SS18L2: variants seen among roughly 807,000 people sequenced by gnomAD.
SS18L2 encodes SS18 like 2.
Under a neutral mutation model 10.3 loss-of-function variants are expected in SS18L2, and 8 were observed. That is an observed-to-expected ratio of 0.78 (90% CI 0.46 to 1.41). The LOEUF (loss-of-function observed/expected upper bound fraction) is 1.41. Among genes scored for constraint, SS18L2 ranks in the 40% most tolerant of loss-of-function variants. The pLI, the probability that SS18L2 is intolerant of heterozygous loss-of-function variation, is 0.00. For missense variants in SS18L2, 100 were observed against 96.2 expected (o/e 1.04, Z -0.17); for synonymous variants, 41 against 34.6 (o/e 1.19, Z -0.65).
rs989942510 is a variant in SS18L2, at chr3:42,595,646, T to G, written c.*1137T>G. 6.6e-6 allele frequency among the ~76,000 whole-genome samples: 1 copy of G among 152,248 alleles called. No individual in the cohort carries two copies. The highest frequency in any genetic ancestry group is 2.4e-5 in the African/African-American group (1 of 41,464). ...CTTTCTGACTTTATTAGCTGTATTC[T>G]ATAAAAAACTTTCACTCTTGGAGAT... On this transcript the variant is annotated 3_prime_UTR_variant, in exon 3 of 3. Coordinates refer to ENST00000011691, the MANE Select transcript of SS18L2 (RefSeq NM_001370300.1).
upstream of SS18L2, among the ~76,000 whole-genome samples, chr3:42,589,349 T>A (rs1296745159): frequency 6.6e-6 from 1 of 152,138 alleles, no homozygotes; most frequent in East Asian, 1.9e-4. Context: ...GAAAGCCCAG[T>A]AAAGCAGATG....
upstream of SS18L2, among the ~76,000 whole-genome samples, chr3:42,587,165 C>T (rs1022200101): frequency 1.1e-4 from 16 of 152,170 alleles, no homozygotes; most frequent in African/African-American, 2.9e-4. Context: ...TAACTTTCAC[C>T]ATGTTACAGC....
chr3:42,592,061 CAA>C (rs1704870799), intron 2 of SS18L2, among the ~76,000 whole-genome samples: 1 of 152,098 alleles, frequency 6.6e-6, no homozygotes, highest in Non-Finnish European at 1.5e-5. Flanking sequence ...CAAAGACAAA[CAA>C]AGGATTTACA....
At chr3:42,587,038 C>A (rs1467362021), upstream of SS18L2, among the ~76,000 whole-genome samples, 1 of 152,202 alleles carries the variant, frequency 6.6e-6, no homozygotes, top group African/African-American at 2.4e-5. Flanking sequence ...GCCAAATCTA[C>A]TTCTAATGTC....
upstream of SS18L2, among the ~76,000 whole-genome samples, chr3:42,586,778 T>G (rs9884030): frequency 6.3e-3 from 957 of 152,308 alleles, 8 homozygotes; most frequent in African/African-American, 0.022. Flanking sequence ...CTCAAAGCTG[T>G]ATCTCCAACC....
upstream of SS18L2, among the ~76,000 whole-genome samples, chr3:42,587,769 T>C (rs1458158989): frequency 1.3e-5 from 2 of 149,090 alleles, no homozygotes; most frequent in African/African-American, 5.0e-5. Context: ...TATATAAACC[T>C]CACTCAAAAC....
At chr3:42,586,819 T>C, upstream of SS18L2, among the ~76,000 whole-genome samples, 1 of 152,294 alleles carries the variant, frequency 6.6e-6, no homozygotes, top group East Asian at 1.9e-4. Flanking sequence ...CAGCCCCAAA[T>C]AGCCACAAGC....
At chr3:42,584,387 TG>T (rs1244919560) in intron 1 of SS18L2, among the ~76,000 whole-genome samples, 1 of 152,140 alleles carries the variant, frequency 6.6e-6, no homozygotes, top group Non-Finnish European at 1.5e-5. Flanking sequence ...CCCAAGTAGC[TG>T]GGATTACAAG....
Position 42,590,919 on chromosome 3 carries a change from G to C in SS18L2, c.22G>C (p.Asp8His). The stretch of plus-strand genomic sequence containing the variant: ...CGGGATGTCGGTGGCCTTCGTACCG[G>C]ACTGGCTGAGGGGCAAGGCGGAAGT... MSVAFVPDWLRGKAEVNQ... is the reference protein window; with the variant it reads MSVAFVPHWLRGKAEVNQ... The change falls in exon 1 of 3, where the codon GAC becomes CAC. Residue 8 changes from aspartate to histidine, a missense_variant. Transcript: ENST00000011691. The C allele has an allele frequency of 6.2e-7, 1 of 1,609,574 alleles. No homozygotes were observed. Among genetic ancestry groups the C allele is most frequent in the Non-Finnish European group, 8.5e-7 (1 of 1,177,778 alleles).
Position 42,590,860 on chromosome 3 carries a change from G to C in SS18L2, c.-38G>C. 2 of 1,610,818 alleles carry C rather than the reference G, an allele frequency of 1.2e-6. No homozygotes were observed. Among genetic ancestry groups the C allele is most frequent in the Non-Finnish European group, 1.7e-6 (2 of 1,177,008 alleles). ...GCGTAGGCCCCACCTATCGTGGGTC[G>C]AGTTGCTTGGCGGTCGTGGTTCCGG... On this transcript the variant is annotated 5_prime_UTR_variant, in exon 1 of 3. Transcript: ENST00000011691.
In SS18L2 at chr3:42,595,454, T is replaced by G. The variant is rs568843738; in HGVS notation, c.*945T>G. The stretch of plus-strand genomic sequence containing the variant: ...TCATGCAGACTCATGTTCTAATATT[T>G]TTAGCAGGAATATATTAGAAGGTGA... On this transcript the variant is annotated 3_prime_UTR_variant, in exon 3 of 3. Transcript: ENST00000011691. 3.0e-4 allele frequency among the ~76,000 whole-genome samples: 46 copies of G among 152,340 alleles called. No homozygotes were observed. Among genetic ancestry groups the G allele is most frequent in the Middle Eastern group, 6.8e-3 (2 of 294 alleles).
At chr3:42,591,202 T>C (rs1321583594) in intron 1 of SS18L2, 1 of 149,974 alleles carries the variant, frequency 6.7e-6, no homozygotes, top group Non-Finnish European at 1.2e-5. Flanking sequence ...CTTTCTCTCC[T>C]TTTTTTTTTT....
chr3:42,590,755 T>C, upstream of SS18L2: 3 of 872,386 alleles, frequency 3.4e-6, no homozygotes, highest in Non-Finnish European at 5.8e-6. Context: ...GCGCTGAGTA[T>C]AGCTCTTGCG....
upstream of SS18L2, among the ~76,000 whole-genome samples, chr3:42,590,624 G>A (rs776214134): frequency 6.6e-6 from 1 of 151,958 alleles, no homozygotes. Flanking sequence ...CACTGGAGGT[G>A]CTGACGCCAG....
At chr3:42,593,487 T>G (rs535687047) in intron 2 of SS18L2, among the ~76,000 whole-genome samples, 18 of 152,262 alleles carry the variant, frequency 1.2e-4, no homozygotes, top group African/African-American at 4.3e-4. Flanking sequence ...CTATGCCATT[T>G]TTTATAAGGG....
At chr3:42,583,293 A>G (rs1177842538) in intron 1 of SS18L2, among the ~76,000 whole-genome samples, 2 of 152,196 alleles carry the variant, frequency 1.3e-5, no homozygotes, top group Non-Finnish European at 2.9e-5. Context: ...AGTGTGGACT[A>G]GGGTGAGAGT....
intron 1 of SS18L2, among the ~76,000 whole-genome samples, chr3:42,585,800 A>G (rs1454930483): frequency 1.3e-5 from 2 of 152,202 alleles, no homozygotes; most frequent in African/African-American, 2.4e-5. Context: ...CACACAGATC[A>G]GTGCTACATA....
intron 2 of SS18L2, 83 bp downstream of exon 2, chr3:42,591,684 T>C: frequency 1.0e-6 from 1 of 971,896 alleles, no homozygotes; most frequent in Non-Finnish European, 1.7e-6. Context: ...ACTAAGAGTC[T>C]TGGGTGATTG....
upstream of SS18L2, among the ~76,000 whole-genome samples, chr3:42,585,949 C>T (rs906529291): frequency 2.3e-4 from 35 of 152,178 alleles, 1 homozygote; most frequent in African/African-American, 7.2e-4. Flanking sequence ...AACCCCCCCT[C>T]CCCCGCTTGC....
Sources: gnomAD v4.1 joint callset for allele counts (sites outside exome capture counted in the v4.1 genomes callset) on GRCh38, gnomAD v4.1.1 for gene constraint, MANE v1.5 for transcripts, NCBI Gene and HGNC (gene_info 2026-07-23, HGNC 2026-07-21) for gene names.